NUDT16L1: variants seen among roughly 807,000 people sequenced by gnomAD.
NUDT16L1 encodes the protein tudor-interacting repair regulator protein.
NUDT16L1 carries 19 observed loss-of-function variants against 17.3 expected under a neutral mutation model. The observed-to-expected ratio is 1.10, with a 90% CI of 0.77 to 1.61. NUDT16L1 has a LOEUF of 1.61. Among genes scored for constraint, NUDT16L1 ranks in the 40% most tolerant of loss-of-function variants. The pLI is 0.00. For missense variants in NUDT16L1, 341 were observed against 292.0 expected, an observed-to-expected ratio of 1.17 and a Z score of -1.22; for synonymous variants, 255 against 138.6, an observed-to-expected ratio of 1.84 and a Z score of -5.90.
intron 2 of NUDT16L1, chr16:4,694,544 T>C (rs1458510017): frequency 6.9e-7 from 1 of 1,457,242 alleles, no homozygotes; most frequent in East Asian, 2.5e-5. Context: ...GGAGCGGGGA[T>C]TGCTTGGGGA....
exon 3 of NUDT16L1, chr16:4,695,807 T>TGTCGAAGGAGAAGACAATAAA: frequency 2.6e-6 from 1 of 387,238 alleles, no homozygotes; most frequent in Admixed American, 4.5e-5. Context: ...ACAACGAAGC[T>TGTCGAAGGAGAAGACAATAAA]GTCGAAGGAG....
At chr16:4,694,354 C>A in intron 2 of NUDT16L1, 116 bp downstream of exon 2, 2 of 1,309,266 alleles carry the variant, frequency 1.5e-6, no homozygotes, top group East Asian at 4.3e-5. Context: ...GGTCGGGTGT[C>A]GCTGTCTCCA....
At chr16:4,694,806 G>T in intron 2 of NUDT16L1, 152 bp from the exon 3 acceptor site, 1 of 1,445,256 alleles carries the variant, frequency 6.9e-7, no homozygotes, top group East Asian at 2.5e-5. Context: ...GAGGGAGCTG[G>T]CTGGCTTCTG....
intron 2 of NUDT16L1, 29 bp downstream of exon 2, chr16:4,694,267 C>T (rs1456443973): frequency 2.7e-6 from 4 of 1,458,212 alleles, no homozygotes; most frequent in Non-Finnish European, 2.7e-6. Context: ...CCCCGCCCCC[C>T]GCCCCGGGGT....
chr16:4,694,629 G>C (rs892465484), intron 2 of NUDT16L1: 1 of 1,423,354 alleles, frequency 7.0e-7, no homozygotes, highest in African/African-American at 1.4e-5. Flanking sequence ...CTTGGGATTT[G>C]TACTTTGTGG....
intron 2 of NUDT16L1, 38 bp from the exon 3 acceptor site, chr16:4,694,920 G>T (rs752005913): frequency 7.0e-6 from 11 of 1,570,144 alleles, no homozygotes; most frequent in East Asian, 2.3e-5. Flanking sequence ...CCATTGTGTG[G>T]CAGGCCTGGC....
intron 2 of NUDT16L1, 63 bp from the exon 3 acceptor site, chr16:4,694,895 C>T: frequency 3.9e-6 from 6 of 1,541,078 alleles, no homozygotes; most frequent in East Asian, 2.4e-5. Context: ...TTCCAGGCCC[C>T]TCCTGCTGGA....
chr16:4,695,379 G>T (rs564217010), exon 3 of NUDT16L1: 138 of 614,064 alleles, frequency 2.2e-4, no homozygotes, highest in Non-Finnish European at 3.5e-4. Flanking sequence ...CTCAGGCAGA[G>T]CAGGGTGGTC....
Position 4,694,953 on chromosome 16 carries a change from C to T in NUDT16L1, c.415-5C>T, listed in dbSNP as rs574974505. ...GGCCCCAACCCCTACCTCCTGTCTG[C>T]GCAGGTGCTGGGCCTCGTGCGGGTC... On this transcript the variant is annotated splice_polypyrimidine_tract_variant and splice_region_variant and intron_variant, in intron 2 of 2. Coordinates refer to ENST00000304301, the Ensembl canonical transcript of NUDT16L1. The T allele has an allele frequency of 2.6e-5, 41 of 1,604,620 alleles. No homozygotes were observed. In the East Asian group the frequency reaches 4.0e-4, roughly 16 times the overall value.
At chr16:4,694,932 C>A in intron 2 of NUDT16L1, 26 bp from the exon 3 acceptor site, 1 of 1,588,984 alleles carries the variant, frequency 6.3e-7, no homozygotes, top group Non-Finnish European at 8.5e-7. Flanking sequence ...AGGCCTGGCC[C>A]CAACCCCTAC....
exon 3 of NUDT16L1, chr16:4,695,691 A>AT (rs2079526935): frequency 5.0e-6 from 2 of 403,348 alleles, no homozygotes; most frequent in African/African-American, 2.1e-5. Flanking sequence ...ACTTTGCTAG[A>AT]TTTTCTCTTT....
At chr16:4,693,633 G>A (rs1037437659), upstream of NUDT16L1, 4 of 1,293,752 alleles carry the variant, frequency 3.1e-6, no homozygotes, top group African/African-American at 6.2e-5. Flanking sequence ...AACCGGACCC[G>A]GGGGCGCGGC....
chr16:4,694,092 C>T (rs2142004048), exon 2 of NUDT16L1: 2 of 1,591,188 alleles, frequency 1.3e-6, no homozygotes, highest in East Asian at 2.3e-5. Flanking sequence ...GGGCTGCCTG[C>T]GCCTCACCGA....
exon 3 of NUDT16L1, chr16:4,695,772 CAG>C (rs1241617913): frequency 1.0e-5 from 4 of 397,184 alleles, no homozygotes; most frequent in Non-Finnish European, 1.8e-5. Flanking sequence ...CAGGGACAGT[CAG>C]GGCCTCGGGG....
chr16:4,694,473 C>T (rs2079488563), intron 2 of NUDT16L1: 4 of 1,524,010 alleles, frequency 2.6e-6, no homozygotes, highest in Admixed American at 2.0e-5. Context: ...CGCCTTGCTG[C>T]CTGCCATTGC....
intron 2 of NUDT16L1, 75 bp from the exon 3 acceptor site, chr16:4,694,883 G>A: frequency 2.0e-6 from 3 of 1,522,654 alleles, no homozygotes; most frequent in East Asian, 4.9e-5. Context: ...TGGCCTCATA[G>A]CTTCCAGGCC....
Position 4,693,917 on chromosome 16 carries a change from C to A in NUDT16L1, c.153+38C>A, listed in dbSNP as rs777666231. 4.8e-6 allele frequency: 7 copies of A among 1,466,876 alleles called. No homozygotes were observed. The South Asian group carries it at 5.4e-5, about 11-fold the overall frequency. 90.9% of individuals were successfully genotyped at this position (1,466,876 alleles called of 1,614,324 possible). ...GAGGGCGCGGGCGAGGGTGCCGGCGCGGGCGGGCCCGGGCGGGGGCGTCCG... is the reference window on the plus strand; with the variant it reads ...GAGGGCGCGGGCGAGGGTGCCGGCGAGGGCGGGCCCGGGCGGGGGCGTCCG... On this transcript the variant is annotated intron_variant, in intron 1 of 2. Transcript: ENST00000304301.
upstream of NUDT16L1, chr16:4,693,674 CG>C (rs1012185256): frequency 3.6e-6 from 5 of 1,376,568 alleles, no homozygotes; most frequent in Admixed American, 1.3e-4. Flanking sequence ...ACGGCGGGGG[CG>C]GGCTCGCGCA....
exon 3 of NUDT16L1, chr16:4,695,073 TCAAGGTGCTCAACATGATGCCCGA>T: frequency 6.2e-7 from 1 of 1,613,514 alleles, no homozygotes. Context: ...CTCTTTGCCC[TCAAGGTGCTCAACATGATGCCCGA>T]GGAGAAGCTG....
Sources: gnomAD v4.1 joint callset for allele counts on GRCh38, gnomAD v4.1.1 for gene constraint, MANE v1.5 for transcripts, NCBI Gene and HGNC (gene_info 2026-07-23, HGNC 2026-07-21) for gene names.